NCK1: variants seen among roughly 807,000 people sequenced by gnomAD.
NCK1 encodes NCK adaptor protein 1.
NCK1 carries 19 observed loss-of-function variants against 36.6 expected under a neutral mutation model. That is an observed-to-expected ratio of 0.52 (90% CI 0.36 to 0.76). The LOEUF is 0.76. Among genes scored for constraint, NCK1 ranks in the 30% least tolerant of loss-of-function variants. The pLI, the probability that NCK1 is intolerant of heterozygous loss-of-function variation, is 0.00. For missense variants in NCK1, 358 were observed against 445.6 expected, an observed-to-expected ratio of 0.80 and a Z score of 1.77; for synonymous variants, 165 against 156.0, an observed-to-expected ratio of 1.06 and a Z score of -0.43.
At chr3:136,886,970 A>G (rs578217635) in intron 1 of NCK1, among the ~76,000 whole-genome samples, 3 of 151,996 alleles carry the variant, frequency 2.0e-5, no homozygotes, top group Admixed American at 6.5e-5. Flanking sequence ...CAGCCTCCCA[A>G]GTAGCTGGGA....
chr3:136,910,370 G>T (rs1461997986), intron 1 of NCK1, among the ~76,000 whole-genome samples: 1 of 152,052 alleles, frequency 6.6e-6, no homozygotes, highest in Non-Finnish European at 1.5e-5. Context: ...TTATGCATTT[G>T]TCTCTTATGT....
At chr3:136,946,413 G>A (rs992230806) in intron 3 of NCK1, 118 bp downstream of exon 3, 4 of 802,786 alleles carry the variant, frequency 5.0e-6, no homozygotes, top group Admixed American at 2.7e-5. Context: ...AAGCTGGGAC[G>A]TAACATAAGC....
intron 2 of NCK1, among the ~76,000 whole-genome samples, chr3:136,937,094 T>C (rs1195829959): frequency 6.6e-6 from 1 of 152,248 alleles, no homozygotes; most frequent in Non-Finnish European, 1.5e-5. Flanking sequence ...AAGAGTTTTA[T>C]AGTTTTAGCT....
At chr3:136,864,018 G>C (rs1288458708) in intron 1 of NCK1, among the ~76,000 whole-genome samples, 1 of 151,208 alleles carries the variant, frequency 6.6e-6, no homozygotes, top group Non-Finnish European at 1.5e-5. Flanking sequence ...GGAGAATGGC[G>C]TGAACCCGGG....
chr3:136,862,515 G>A (rs1478665663), intron 1 of NCK1, among the ~76,000 whole-genome samples, 162 bp downstream of exon 1: 1 of 152,218 alleles, frequency 6.6e-6, no homozygotes, highest in Non-Finnish European at 1.5e-5. Context: ...GGGCGCGGAG[G>A]CTGCTCGGAG....
At chr3:136,940,719 A>G (rs1940649315) in intron 2 of NCK1, among the ~76,000 whole-genome samples, 1 of 151,754 alleles carries the variant, frequency 6.6e-6, no homozygotes, top group Admixed American at 6.6e-5. Flanking sequence ...TAATTTTTGT[A>G]TTTTTGGTAG....
rs1488015812 is a variant in NCK1 at position 136,867,162 on chromosome 3, TTCCTTCCTTCCTTCCTTC to T, written c.-19+4811_-19+4828del. Among the ~76,000 whole-genome samples the T allele has an allele frequency of 4.6e-3, 298 of 64,342 alleles. 25 individuals carry two copies. The highest frequency in any genetic ancestry group is 6.6e-3 in the African/African-American group (129 of 19,518). The allele number at this position is 64,342 out of a possible 152,430, so 42.2% of individuals were successfully genotyped here. On this transcript the variant is annotated intron_variant, in intron 1 of 3. Coordinates refer to ENST00000481752, the MANE Select transcript of NCK1 (RefSeq NM_001291999.2). ...CTTCCTTCCTTCCTTCCTTCCTTCC[TTCCTTCCTTCCTTCCTTC>T]TTTCTTTCTTTTCTTTCTTTTCCCT... is the stretch of plus-strand genomic sequence containing the variant.
intron 1 of NCK1, among the ~76,000 whole-genome samples, chr3:136,927,524 T>C (rs1940272992): frequency 6.6e-6 from 1 of 152,128 alleles, no homozygotes; most frequent in East Asian, 1.9e-4. Context: ...CTTTATTGAT[T>C]GGTTGATTGA....
At chr3:136,947,848 T>A (rs1189640375) in intron 3 of NCK1, among the ~76,000 whole-genome samples, 1 of 152,194 alleles carries the variant, frequency 6.6e-6, no homozygotes, top group Non-Finnish European at 1.5e-5. Flanking sequence ...TACTGTTAGC[T>A]ACACATTGAA....
At chr3:136,922,241 G>T (rs1940132189) in intron 1 of NCK1, among the ~76,000 whole-genome samples, 2 of 152,210 alleles carry the variant, frequency 1.3e-5, no homozygotes, top group African/African-American at 4.8e-5. Context: ...TCTCGCCAGG[G>T]ACTGGGAACA....
At chr3:136,931,519 G>A (rs1940389621) in intron 2 of NCK1, among the ~76,000 whole-genome samples, 1 of 152,142 alleles carries the variant, frequency 6.6e-6, no homozygotes, top group East Asian at 1.9e-4. Flanking sequence ...TCTGGAATAT[G>A]TCTCTTCTGT....
chr3:136,887,390 AT>A (rs556247731), intron 1 of NCK1, among the ~76,000 whole-genome samples: 46 of 152,334 alleles, frequency 3.0e-4, no homozygotes, highest in Admixed American at 7.2e-4. Context: ...CTCCTGATAA[AT>A]AGCAGCCTAA....
chr3:136,927,884 C>A, intron 1 of NCK1, 100 bp from the exon 2 acceptor site: 1 of 868,554 alleles, frequency 1.2e-6, no homozygotes, highest in Non-Finnish European at 1.8e-6. Context: ...TTTTACTTTT[C>A]ATCTTTATGT....
intron 1 of NCK1, among the ~76,000 whole-genome samples, chr3:136,894,853 A>G (rs1306396045): frequency 4.2e-5 from 6 of 144,344 alleles, no homozygotes; most frequent in African/African-American, 1.5e-4. Context: ...TTTTTCAGAA[A>G]TAAGCTGATT....
intron 1 of NCK1, among the ~76,000 whole-genome samples, chr3:136,876,166 A>T (rs1385053537): frequency 6.6e-6 from 1 of 152,122 alleles, no homozygotes; most frequent in Non-Finnish European, 1.5e-5. Flanking sequence ...GTGTAGAGGG[A>T]AATTTATAGC....
chr3:136,941,064 C>G (rs1300624842), intron 2 of NCK1, among the ~76,000 whole-genome samples: 1 of 148,556 alleles, frequency 6.7e-6, no homozygotes, highest in Admixed American at 6.7e-5. Flanking sequence ...TTTTCATTTA[C>G]TTTTTTTTCT....
intron 1 of NCK1, among the ~76,000 whole-genome samples, chr3:136,916,265 G>C (rs1939961337): frequency 6.6e-6 from 1 of 152,188 alleles, no homozygotes. Flanking sequence ...TAAGCTCATG[G>C]AAGGCATGAG....
At chr3:136,888,056 T>C (rs1199658105) in intron 1 of NCK1, among the ~76,000 whole-genome samples, 1 of 152,066 alleles carries the variant, frequency 6.6e-6, no homozygotes, top group Non-Finnish European at 1.5e-5. Flanking sequence ...GCTATTCTCC[T>C]GCCTCAGCCT....
chr3:136,950,897 G>A lies in NCK1; in HGVS notation c.*2444G>A, dbSNP rs1438150497. 6.6e-6 allele frequency among the ~76,000 whole-genome samples: 1 copy of A among 152,116 alleles called. No homozygotes were observed. The highest frequency in any genetic ancestry group is 1.5e-5 in the Non-Finnish European group (1 of 68,000). ...AATCTTAGAAGGTTTTTTAGAACAT[G>A]ATATAAGCTTTGTGACAAAAACAAA... On this transcript the variant is annotated 3_prime_UTR_variant, in exon 4 of 4. Transcript: ENST00000481752.
Sources: allele counts gnomAD v4.1 joint callset (sites outside exome capture counted in the v4.1 genomes callset), GRCh38; gene constraint gnomAD v4.1.1; transcripts MANE v1.5; gene names NCBI Gene and HGNC (gene_info 2026-07-23, HGNC 2026-07-21).